DPP10: variants seen among roughly 807,000 people sequenced by gnomAD.
The protein encoded by DPP10 is inactive dipeptidyl peptidase 10.
A neutral mutation model predicts 120.9 loss-of-function variants in DPP10; 33 were observed. That is an observed-to-expected ratio of 0.27 (90% confidence interval 0.21 to 0.37). The LOEUF (loss-of-function observed/expected upper bound fraction) is 0.37, where lower values mean the gene tolerates loss of function less well. Ranked by LOEUF, DPP10 falls within the 10% of genes least tolerant of loss-of-function variation. The pLI is 1.00. For missense variants in DPP10, 816 were observed against 942.8 expected, an observed-to-expected ratio of 0.87 and a Z score of 1.76; for synonymous variants, 337 against 326.1, an observed-to-expected ratio of 1.03 and a Z score of -0.36.
intron 1 of DPP10, among the ~76,000 whole-genome samples, chr2:115,112,374 T>A (rs923489775): frequency 1.3e-5 from 2 of 152,138 alleles, no homozygotes; most frequent in Non-Finnish European, 2.9e-5. Context: ...TTTTACATTA[T>A]TTTTCTTTTA....
At chr2:114,910,494 G>T (rs1694289419) in intron 1 of DPP10, among the ~76,000 whole-genome samples, 1 of 151,968 alleles carries the variant, frequency 6.6e-6, no homozygotes, top group African/African-American at 2.4e-5. Context: ...AGAATGAATT[G>T]TTATAATAAA....
rs563224171 is a variant in DPP10, at chr2:114,501,033, C to A, written c.60+58195C>A. Among the ~76,000 whole-genome samples the A allele has an allele frequency of 1.1e-4, 16 of 152,282 alleles. No individual in the cohort carries two copies. The East Asian group carries it at 2.9e-3, about 28-fold the overall frequency. On this transcript the variant is annotated intron_variant, in intron 1 of 25. Coordinates refer to ENST00000410059, the MANE Select transcript of DPP10 (RefSeq NM_020868.6). Reference sequence around the variant, plus strand: ...TGCTTTAGGGTGGAAACTATAGTTACAAAGATGAGCAGTCACTTAATTTAC... The same window carrying A: ...TGCTTTAGGGTGGAAACTATAGTTAAAAAGATGAGCAGTCACTTAATTTAC...
chr2:115,386,902 TAA>T (rs199853520), intron 3 of DPP10, among the ~76,000 whole-genome samples: 3 of 137,170 alleles, frequency 2.2e-5, no homozygotes, highest in Non-Finnish European at 1.6e-5. Flanking sequence ...AAGTACTCAG[TAA>T]AAAAAAAAAA....
chr2:114,595,737 T>C (rs1238691295), intron 1 of DPP10, among the ~76,000 whole-genome samples: 2 of 152,094 alleles, frequency 1.3e-5, no homozygotes, highest in African/African-American at 4.8e-5. Flanking sequence ...TGAATTTCAA[T>C]GAAAGCAATT....
chr2:115,005,149 C>G (rs1239600170), intron 1 of DPP10, among the ~76,000 whole-genome samples: 1 of 151,946 alleles, frequency 6.6e-6, no homozygotes, highest in Admixed American at 6.6e-5. Context: ...AGACCTGCAT[C>G]TGAGGGTCCT....
At chr2:114,476,868 C>A (rs901197914) in intron 1 of DPP10, among the ~76,000 whole-genome samples, 1 of 152,158 alleles carries the variant, frequency 6.6e-6, no homozygotes, top group Non-Finnish European at 1.5e-5. Flanking sequence ...AGAAAACTAT[C>A]CTTATGCTCC....
At chr2:115,683,258 G>C (rs1365772377) in intron 5 of DPP10, among the ~76,000 whole-genome samples, 1 of 151,870 alleles carries the variant, frequency 6.6e-6, no homozygotes, top group Non-Finnish European at 1.5e-5. Context: ...CTGCATACTG[G>C]ATGATTCCAA....
intron 5 of DPP10, among the ~76,000 whole-genome samples, chr2:115,585,011 C>T (rs1196846248): frequency 6.6e-6 from 1 of 152,156 alleles, no homozygotes; most frequent in Non-Finnish European, 1.5e-5. Context: ...TTTATTGTGT[C>T]CCATTGGCCA....
At chr2:114,955,136 G>A (rs1698103739) in intron 1 of DPP10, among the ~76,000 whole-genome samples, 1 of 152,178 alleles carries the variant, frequency 6.6e-6, no homozygotes, top group Non-Finnish European at 1.5e-5. Context: ...AGGGCTGCTG[G>A]TTGCCCATTT....
chr2:115,626,755 T>G (rs2085400571), intron 5 of DPP10, among the ~76,000 whole-genome samples: 2 of 152,292 alleles, frequency 1.3e-5, no homozygotes, highest in Non-Finnish European at 2.9e-5. Flanking sequence ...ATACACATAT[T>G]TAATACAAAC....
At chr2:115,734,719 C>T (rs2092993589) in intron 8 of DPP10, among the ~76,000 whole-genome samples, 1 of 147,212 alleles carries the variant, frequency 6.8e-6, no homozygotes, top group African/African-American at 2.5e-5. Context: ...CCTTAGCATG[C>T]ATATATATAC....
intron 1 of DPP10, among the ~76,000 whole-genome samples, chr2:114,498,380 T>C (rs1399956768): frequency 6.6e-6 from 1 of 152,202 alleles, no homozygotes. Context: ...TCTGTAAGTT[T>C]AATGTTTTAA....
At chr2:115,505,913 A>G (rs1398379985) in intron 4 of DPP10, among the ~76,000 whole-genome samples, 2 of 152,100 alleles carry the variant, frequency 1.3e-5, no homozygotes, top group African/African-American at 2.4e-5. Flanking sequence ...CACATTGTGT[A>G]TTCTTCCATA....
At chr2:114,956,128 T>G (rs1178553993) in intron 1 of DPP10, among the ~76,000 whole-genome samples, 3 of 151,758 alleles carry the variant, frequency 2.0e-5, no homozygotes, top group Admixed American at 6.6e-5. Context: ...CAAAAAACAT[T>G]CAAAAAGGAA....
At chr2:115,427,941 C>T (rs935372407) in intron 3 of DPP10, among the ~76,000 whole-genome samples, 1 of 152,192 alleles carries the variant, frequency 6.6e-6, no homozygotes, top group African/African-American at 2.4e-5. Context: ...AGCCAGACAA[C>T]TTCTTGAATG....
intron 1 of DPP10, among the ~76,000 whole-genome samples, chr2:114,841,571 C>T (rs984995657): frequency 6.6e-6 from 1 of 152,054 alleles, no homozygotes; most frequent in Non-Finnish European, 1.5e-5. Context: ...TTTTCATTTC[C>T]AGCCAAGTTA....
intron 1 of DPP10, among the ~76,000 whole-genome samples, chr2:114,845,241 C>G (rs914618912): frequency 6.6e-6 from 1 of 152,072 alleles, no homozygotes; most frequent in Non-Finnish European, 1.5e-5. Flanking sequence ...TCTTTCCAAT[C>G]AAGAAACTTA....
intron 1 of DPP10, among the ~76,000 whole-genome samples, chr2:115,061,899 T>C (rs1306759041): frequency 6.6e-6 from 1 of 152,158 alleles, no homozygotes; most frequent in South Asian, 2.1e-4. Flanking sequence ...TTCATTTCCT[T>C]TCTAGTACAA....
chr2:115,678,163 G>A (rs919388283), intron 5 of DPP10, among the ~76,000 whole-genome samples: 1 of 152,242 alleles, frequency 6.6e-6, no homozygotes, highest in Non-Finnish European at 1.5e-5. Flanking sequence ...GCCAGCTGCA[G>A]AAATTTGCAT....
Sources: gnomAD v4.1 joint callset for allele counts (sites outside exome capture counted in the v4.1 genomes callset) on GRCh38, gnomAD v4.1.1 for gene constraint, MANE v1.5 for transcripts, NCBI Gene and HGNC (gene_info 2026-07-23, HGNC 2026-07-21) for gene names.